Variants in CACNA1C observed in about 807,000 individuals in gnomAD.
The protein encoded by CACNA1C is calcium voltage-gated channel subunit alpha1 C, also known as voltage-dependent L-type calcium channel subunit alpha-1C.
Under a neutral mutation model 229.0 loss-of-function variants are expected in CACNA1C, and 30 were observed. The ratio of observed to expected loss-of-function variants is 0.13; its 90% CI spans 0.10 to 0.18. The LOEUF (loss-of-function observed/expected upper bound fraction) is 0.18, where lower values mean the gene tolerates loss of function less well. Among genes scored for constraint, CACNA1C ranks in the 10% least tolerant of loss-of-function variants. CACNA1C has a pLI of 1.00. For missense variants in CACNA1C, 1,658 were observed against 2,845.0 expected (o/e 0.58, Z 9.49); for synonymous variants, 1,114 against 1,132.5 (o/e 0.98, Z 0.33).
At chr12:2,402,503 G>A (rs973998801) in intron 3 of CACNA1C, among the ~76,000 whole-genome samples, 13 of 152,324 alleles carry the variant, frequency 8.5e-5, no homozygotes, top group Admixed American at 2.0e-4. Flanking sequence ...TGCTGTCCCA[G>A]GCCTCACTCT....
rs1479110800 is a variant in CACNA1C at position 2,029,618 on chromosome 12, G to A, written c.139+58417G>A. Reference sequence around the variant, plus strand: ...AAATCAATATTTCATTCCTTTTTATGGCTTTTACGTTGCACTTTGGTTAAA... The same window carrying A: ...AAATCAATATTTCATTCCTTTTTATAGCTTTTACGTTGCACTTTGGTTAAA... On this transcript the variant is annotated intron_variant, in intron 1 of 46. Transcript: ENST00000682462. This position sits in a 1 kb window ranked among gnomAD's most constrained non-coding sequence, Gnocchi z 4.9. Among the ~76,000 whole-genome samples the A allele has an allele frequency of 6.6e-6, 1 of 152,084 alleles. No individual in the cohort carries two copies. Among genetic ancestry groups the A allele is most frequent in the Non-Finnish European group, 1.5e-5 (1 of 68,022 alleles).
intron 3 of CACNA1C, among the ~76,000 whole-genome samples, chr12:2,385,934 T>A (rs2098379443): frequency 6.6e-6 from 1 of 152,202 alleles, no homozygotes; most frequent in African/African-American, 2.4e-5. Flanking sequence ...CTTCCAGGAA[T>A]CTTATGAGTG....
intron 3 of CACNA1C, among the ~76,000 whole-genome samples, chr12:2,153,520 T>C (rs2095400930): frequency 6.6e-6 from 1 of 152,148 alleles, no homozygotes; most frequent in African/African-American, 2.4e-5. Context: ...ACTTTCTGTC[T>C]ATGAATTTGA....
At chr12:2,191,109 C>T (rs1024064381) in intron 3 of CACNA1C, among the ~76,000 whole-genome samples, 3 of 152,150 alleles carry the variant, frequency 2.0e-5, no homozygotes, top group African/African-American at 7.2e-5. Context: ...CGGAGCAGCC[C>T]GTTCACCCTG....
rs536177596 is a variant in CACNA1C at position 2,106,982 on chromosome 12, C to T, written c.50-8242C>T. 5.3e-3 allele frequency among the ~76,000 whole-genome samples: 554 copies of T among 105,298 alleles called. 23 individuals are homozygous for T. The highest frequency in any genetic ancestry group is 0.018 in the African/African-American group (528 of 29,150). The allele number at this position is 105,298 out of a possible 152,430, so 69.1% of individuals were successfully genotyped here. On this transcript the variant is annotated intron_variant, in intron 1 of 46. Coordinates refer to ENST00000399655, the MANE Select transcript of CACNA1C (RefSeq NM_000719.7). ...GCGCCCACCCCGGGGAGGGTTTCCA[C>T]CTCAGCTGGGGTGTCCTGAAGCCAC...
At chr12:2,248,758 G>A (rs1286703492) in intron 3 of CACNA1C, among the ~76,000 whole-genome samples, 1 of 152,362 alleles carries the variant, frequency 6.6e-6, no homozygotes, top group Non-Finnish European at 1.5e-5. Context: ...AGGGCCTCAC[G>A]GTGTGGAGGG....
intron 3 of CACNA1C, among the ~76,000 whole-genome samples, chr12:2,407,767 G>C (rs1237445257): frequency 6.6e-6 from 1 of 152,252 alleles, no homozygotes; most frequent in Non-Finnish European, 1.5e-5. Context: ...TAAGTGTGCA[G>C]TGGTATTGAT....
At chr12:2,583,041 C>A in intron 15 of CACNA1C, 99 bp downstream of exon 15, 4 of 815,020 alleles carry the variant, frequency 4.9e-6, no homozygotes, top group South Asian at 1.6e-5. Flanking sequence ...CGGTCCTGCT[C>A]GGGCTCACAC....
At position 2,677,891 on chromosome 12, in the gene CACNA1C, T is replaced by C. The variant is rs2096902650; in HGVS notation, c.5091+24T>C. On this transcript the variant is annotated intron_variant, in intron 41 of 46. Transcript: ENST00000399655. This position sits in a 1 kb window ranked among gnomAD's most constrained non-coding sequence, Gnocchi z 7.4. ...GGGTGGGTGGTGCCATGGCGCACTC[T>C]CGACCCCTATAAAGTTCAGTTTGGA... 1.9e-6 allele frequency: 3 copies of C among 1,613,146 alleles called. No individual in the cohort carries two copies. The highest frequency in any genetic ancestry group is 2.2e-5 in the South Asian group (2 of 91,058).
At chr12:2,080,101 A>G (rs913003654) in intron 1 of CACNA1C, among the ~76,000 whole-genome samples, 2 of 152,024 alleles carry the variant, frequency 1.3e-5, no homozygotes, top group African/African-American at 4.8e-5. Context: ...TCTCTACTAA[A>G]AATAACAAAA....
At chr12:2,425,331 C>T (rs1244185888) in intron 3 of CACNA1C, among the ~76,000 whole-genome samples, 2 of 152,302 alleles carry the variant, frequency 1.3e-5, no homozygotes, top group Admixed American at 1.3e-4. Flanking sequence ...AAAATACACA[C>T]AAAGGAAGTA....
intron 3 of CACNA1C, among the ~76,000 whole-genome samples, chr12:2,328,477 A>G (rs981482015): frequency 5.3e-5 from 8 of 152,226 alleles, no homozygotes; most frequent in Non-Finnish European, 7.3e-5. Flanking sequence ...CGATGGGTGG[A>G]TTAGTCAAGT....
At chr12:2,060,019 T>C (rs2069158510) in intron 1 of CACNA1C, among the ~76,000 whole-genome samples, 1 of 152,220 alleles carries the variant, frequency 6.6e-6, no homozygotes, top group South Asian at 2.1e-4. Context: ...AAATCTATCA[T>C]TGGAAAGGTT....
intron 3 of CACNA1C, among the ~76,000 whole-genome samples, chr12:2,329,122 C>T (rs2096452864): frequency 6.6e-6 from 1 of 152,160 alleles, no homozygotes; most frequent in Non-Finnish European, 1.5e-5. Flanking sequence ...TATACAATGG[C>T]TTCCTGGTCC....
chr12:2,337,734 C>G (rs996345536), intron 3 of CACNA1C, among the ~76,000 whole-genome samples: 3 of 152,202 alleles, frequency 2.0e-5, no homozygotes, highest in Admixed American at 1.3e-4. Context: ...TTATCATGTG[C>G]GTTTCACTCA....
chr12:2,532,452 C>T (rs185748658), intron 9 of CACNA1C, among the ~76,000 whole-genome samples: 33 of 152,348 alleles, frequency 2.2e-4, no homozygotes, highest in Admixed American at 2.0e-3. Flanking sequence ...TAGTAACAGG[C>T]CACTGTCTCC....
At chr12:2,158,114 A>G (rs2095644639) in intron 3 of CACNA1C, among the ~76,000 whole-genome samples, 1 of 152,170 alleles carries the variant, frequency 6.6e-6, no homozygotes, top group South Asian at 2.1e-4. Flanking sequence ...AACTACAAAA[A>G]CAGAGGGGAG....
At chr12:2,642,779 G>A (rs1347038834) in intron 30 of CACNA1C, among the ~76,000 whole-genome samples, 1 of 152,184 alleles carries the variant, frequency 6.6e-6, no homozygotes, top group Non-Finnish European at 1.5e-5. Context: ...TGGGCTTTTT[G>A]TTGGTGGAGG....
rs142905313 is a variant in CACNA1C at position 2,624,801 on chromosome 12, T to C, written c.3829-9496T>C. Among the ~76,000 whole-genome samples, 539 of 152,312 alleles carry C rather than the reference T, an allele frequency of 3.5e-3. 4 individuals are homozygous for C. Among genetic ancestry groups the C allele is most frequent in the African/African-American group, 0.012 (517 of 41,554 alleles). The stretch of plus-strand genomic sequence containing the variant: ...TTAGATGAAACCTGTTTATCCAATC[T>C]ATTGAGAAACTGCAGTGTCTGCCAC... On this transcript the variant is annotated intron_variant, in intron 29 of 46. Coordinates refer to ENST00000399655, the MANE Select transcript of CACNA1C (RefSeq NM_000719.7).
Sources: gnomAD v4.1 joint callset for allele counts (sites outside exome capture counted in the v4.1 genomes callset) on GRCh38, gnomAD v4.1.1 for gene constraint, Gnocchi (gnomAD v3.1) non-coding constraint, MANE v1.5 for transcripts, NCBI Gene and HGNC (gene_info 2026-07-23, HGNC 2026-07-21) for gene names.